The following GPC6 variants were observed in gnomAD, a reference collection of about 807,000 sequenced individuals.
The protein encoded by GPC6 is glypican-6.
Under a neutral mutation model 55.2 loss-of-function variants are expected in GPC6, and 14 were observed. That is an observed-to-expected ratio of 0.25 (90% CI 0.17 to 0.40). The LOEUF (loss-of-function observed/expected upper bound fraction) is 0.40. Ranked by LOEUF, GPC6 falls within the 10% of genes least tolerant of loss-of-function variation. GPC6 has a pLI of 1.00. For missense variants in GPC6, 641 were observed against 708.5 expected (o/e 0.90, Z 1.08); for synonymous variants, 278 against 259.6 (o/e 1.07, Z -0.68).
intron 2 of GPC6, among the ~76,000 whole-genome samples, chr13:93,645,305 A>C (rs1479803705): frequency 1.3e-5 from 2 of 152,084 alleles, no homozygotes; most frequent in Non-Finnish European, 2.9e-5. Flanking sequence ...AATAGACATA[A>C]AAGCATAAAA....
In GPC6 at chr13:94,318,936, T is replaced by C. The variant is rs544512663; in HGVS notation, c.1152+12813T>C. On this transcript the variant is annotated intron_variant, in intron 6 of 8. Transcript: ENST00000377047. ...AAAATATTTAACTGAAATATCTTTT[T>C]TCATTTTACTTTCAACATTTCTGAA... Among the ~76,000 whole-genome samples, 20 of 152,302 alleles carry C rather than the reference T, an allele frequency of 1.3e-4. 1 individual carries two copies. The highest frequency in any genetic ancestry group is 2.4e-4 in the Non-Finnish European group (16 of 68,002).
chr13:93,853,123 TTAAAAACCAAAACACGGTCAAGC>T (rs753354799), intron 3 of GPC6, among the ~76,000 whole-genome samples: 12 of 151,710 alleles, frequency 7.9e-5, no homozygotes, highest in Non-Finnish European at 1.8e-4. Flanking sequence ...AAAGTTTTAT[TTAAAAACCAAAACACGGTCAAGC>T]AATACTCTAA....
rs572148696 is a variant in GPC6, at chr13:94,092,958, ATTGGATTAT to A, written c.877+65068_877+65076del. 6.6e-3 allele frequency among the ~76,000 whole-genome samples: 1,006 copies of A among 152,048 alleles called. 10 individuals carry two copies. Among genetic ancestry groups the A allele is most frequent in the African/African-American group, 0.022 (911 of 41,510 alleles). On this transcript the variant is annotated intron_variant, in intron 4 of 8. Coordinates refer to ENST00000377047, the MANE Select transcript of GPC6 (RefSeq NM_005708.5). ...AATGTCCATTTTTTGCCCATTTTTA[ATTGGATTAT>A]TTGTTTTCTGGCTGAGTTGTTTAAG...
At chr13:93,309,251 A>C (rs1878980177) in intron 1 of GPC6, among the ~76,000 whole-genome samples, 1 of 152,086 alleles carries the variant, frequency 6.6e-6, no homozygotes, top group Non-Finnish European at 1.5e-5. Context: ...TTAAGTATAA[A>C]AGTCAATATT....
intron 4 of GPC6, among the ~76,000 whole-genome samples, chr13:94,059,436 G>A (rs1300756601): frequency 6.6e-6 from 1 of 152,016 alleles, no homozygotes; most frequent in Non-Finnish European, 1.5e-5. Flanking sequence ...CTGAGCCACA[G>A]AAGTGCTACT....
chr13:94,191,522 T>C lies in GPC6; in HGVS notation c.878-94827T>C, dbSNP rs540668066. 2.7e-4 allele frequency among the ~76,000 whole-genome samples: 41 copies of C among 152,134 alleles called. No individual in the cohort carries two copies. The South Asian group carries it at 7.1e-3, about 26-fold the overall frequency. ...TGCACGGCATCAGGACAGTGAGCGA[T>C]GTCCTTGGAAATGGCCTCTTTTTCC... On this transcript the variant is annotated intron_variant, in intron 4 of 8. Transcript: ENST00000377047.
chr13:93,538,139 G>T (rs958913533), intron 1 of GPC6, among the ~76,000 whole-genome samples: 1 of 151,860 alleles, frequency 6.6e-6, no homozygotes, highest in Admixed American at 6.6e-5. Flanking sequence ...CTGGGTTTAT[G>T]TGGAAAAAAA....
At chr13:93,243,357 C>T (rs903235408) in intron 1 of GPC6, among the ~76,000 whole-genome samples, 8 of 152,148 alleles carry the variant, frequency 5.3e-5, no homozygotes, top group African/African-American at 1.4e-4. Flanking sequence ...ACCTGTAATT[C>T]GTTTTTTTTG....
chr13:94,284,132 T>C (rs72632648), intron 4 of GPC6, among the ~76,000 whole-genome samples: 14,777 of 152,074 alleles, frequency 0.097, 996 homozygotes, highest in East Asian at 0.24. Context: ...ACAAAACCAG[T>C]CAAGAATAGA....
intron 3 of GPC6, among the ~76,000 whole-genome samples, chr13:93,855,333 C>T (rs2139018297): frequency 6.6e-6 from 1 of 151,690 alleles, no homozygotes; most frequent in South Asian, 2.1e-4. Context: ...TGTGAGGTTT[C>T]TCCGTGTCTC....
At chr13:93,546,490 A>G (rs970119849) in intron 2 of GPC6, among the ~76,000 whole-genome samples, 14 of 152,342 alleles carry the variant, frequency 9.2e-5, no homozygotes, top group African/African-American at 3.1e-4. Flanking sequence ...ATGATGTGAC[A>G]CTTTCTGTGT....
At chr13:93,265,817 T>C (rs1877303558) in intron 1 of GPC6, among the ~76,000 whole-genome samples, 1 of 147,454 alleles carries the variant, frequency 6.8e-6, no homozygotes, top group South Asian at 2.1e-4. Context: ...CTTTTTTTTT[T>C]CAGTTTTGCC....
chr13:93,825,991 G>T (rs1352031620), intron 2 of GPC6, among the ~76,000 whole-genome samples: 1 of 151,214 alleles, frequency 6.6e-6, no homozygotes, highest in African/African-American at 2.4e-5. Flanking sequence ...CTCCTGAGTA[G>T]CTGGGACTAC....
intron 2 of GPC6, among the ~76,000 whole-genome samples, chr13:93,613,530 AACAC>A (rs10573990): frequency 0.018 from 2,528 of 139,834 alleles, 36 homozygotes; most frequent in Non-Finnish European, 0.023. Flanking sequence ...ACACACACAA[AACAC>A]ACACACACAC....
At chr13:93,893,059 A>ATTT (rs1271008047) in intron 3 of GPC6, among the ~76,000 whole-genome samples, 2 of 142,072 alleles carry the variant, frequency 1.4e-5, no homozygotes, top group African/African-American at 5.2e-5. Flanking sequence ...TAACCATTAA[A>ATTT]TTTTTTTTTT....
intron 3 of GPC6, among the ~76,000 whole-genome samples, chr13:93,899,474 G>A (rs918650504): frequency 8.5e-5 from 13 of 152,108 alleles, no homozygotes; most frequent in African/African-American, 2.9e-4. Flanking sequence ...AATTCCATGG[G>A]GGGAGAGACA....
chr13:93,218,038 TG>T, the GPC6 span, among the ~76,000 whole-genome samples: 1 of 151,824 alleles, frequency 6.6e-6, no homozygotes, highest in South Asian at 2.1e-4. Flanking sequence ...CCTGTTTCTA[TG>T]CTTGCTTGCT....
intron 4 of GPC6, among the ~76,000 whole-genome samples, chr13:94,240,440 C>T (rs988723010): frequency 6.6e-6 from 1 of 152,084 alleles, no homozygotes. Context: ...CACTCAATGG[C>T]CTTAAGGTCT....
intron 2 of GPC6, among the ~76,000 whole-genome samples, chr13:93,740,001 A>C (rs1339307875): frequency 6.6e-6 from 1 of 152,170 alleles, no homozygotes; most frequent in Non-Finnish European, 1.5e-5. Context: ...GCTTCACTGA[A>C]TTGGAATTAA....
Sources: allele counts gnomAD v4.1 joint callset (sites outside exome capture counted in the v4.1 genomes callset), GRCh38; gene constraint gnomAD v4.1.1; transcripts MANE v1.5; gene names NCBI Gene and HGNC (gene_info 2026-07-23, HGNC 2026-07-21).